Variants in DIP2C observed in about 807,000 individuals in gnomAD.
The protein encoded by DIP2C is disco-interacting protein 2 homolog C.
Under a neutral mutation model 192.4 loss-of-function variants are expected in DIP2C, and 33 were observed. The observed-to-expected ratio is 0.17, with a 90% CI of 0.13 to 0.23. The LOEUF (loss-of-function observed/expected upper bound fraction) is 0.23. Ranked by LOEUF, DIP2C falls within the 10% of genes least tolerant of loss-of-function variation. The probability of loss-of-function intolerance (pLI) is 1.00; values close to 1 mark genes in which losing one functional copy is unlikely to be tolerated. For missense variants in DIP2C, 1,537 were observed against 2,110.1 expected, an observed-to-expected ratio of 0.73 and a Z score of 5.32; for synonymous variants, 979 against 864.1, an observed-to-expected ratio of 1.13 and a Z score of -2.33.
At chr10:345,627 C>A (rs527998834) in intron 26 of DIP2C, among the ~76,000 whole-genome samples, 1 of 129,908 alleles carries the variant, frequency 7.7e-6, no homozygotes, top group South Asian at 2.9e-4. Flanking sequence ...AACCCAGACA[C>A]ATCGCGCATA....
chr10:312,996 G>A (rs886504664), intron 31 of DIP2C, among the ~76,000 whole-genome samples: 6 of 152,154 alleles, frequency 3.9e-5, no homozygotes, highest in Non-Finnish European at 7.3e-5. Flanking sequence ...CTTGTACCAC[G>A]TGGAGGAGGC....
At chr10:613,279 G>A (rs535210894) in intron 1 of DIP2C, among the ~76,000 whole-genome samples, 4 of 152,358 alleles carry the variant, frequency 2.6e-5, no homozygotes, top group African/African-American at 9.6e-5. Context: ...GTCCCTTACA[G>A]GTCCTCGGCC....
chr10:653,968 G>C (rs1268305981), intron 1 of DIP2C, among the ~76,000 whole-genome samples: 1 of 152,116 alleles, frequency 6.6e-6, no homozygotes, highest in Non-Finnish European at 1.5e-5. Flanking sequence ...CTTCCAACTG[G>C]GACACAGACT....
chr10:356,621 A>C (rs1959095985), intron 23 of DIP2C, 115 bp from the exon 24 acceptor site: 5 of 770,616 alleles, frequency 6.5e-6, no homozygotes, highest in South Asian at 5.3e-5. Flanking sequence ...TTGGGTCTTA[A>C]AACCGCATGC....
At chr10:405,741 C>G (rs1964756160) in intron 9 of DIP2C, among the ~76,000 whole-genome samples, 1 of 152,202 alleles carries the variant, frequency 6.6e-6, no homozygotes, top group South Asian at 2.1e-4. Flanking sequence ...ACACAGCAGG[C>G]ATCAGCCGAT....
intron 1 of DIP2C, among the ~76,000 whole-genome samples, chr10:579,582 T>G (rs1425101766): frequency 6.6e-6 from 1 of 151,964 alleles, no homozygotes; most frequent in Non-Finnish European, 1.5e-5. Flanking sequence ...CATGCGTACA[T>G]GCATAGAGCA....
At chr10:350,671 G>A (rs980180409) in intron 24 of DIP2C, among the ~76,000 whole-genome samples, 28 of 126,968 alleles carry the variant, frequency 2.2e-4, no homozygotes, top group African/African-American at 7.1e-4. Flanking sequence ...ATGGGGTCTC[G>A]CTCTGTCGCC....
At chr10:432,140 G>A (rs531174381) in intron 4 of DIP2C, among the ~76,000 whole-genome samples, 4 of 152,038 alleles carry the variant, frequency 2.6e-5, no homozygotes, top group African/African-American at 9.6e-5. Flanking sequence ...GAAGGTTATT[G>A]CATCTGTGTT....
chr10:369,787 G>T (rs765447105), intron 17 of DIP2C, 154 bp from the exon 18 acceptor site: 5 of 1,391,856 alleles, frequency 3.6e-6, no homozygotes, highest in Non-Finnish European at 4.9e-6. Context: ...CTGCATTAGG[G>T]GATGCTCGTT....
At chr10:487,420 G>A (rs1339820227) in intron 1 of DIP2C, among the ~76,000 whole-genome samples, 1 of 152,034 alleles carries the variant, frequency 6.6e-6, no homozygotes, top group African/African-American at 2.4e-5. Context: ...GGGCAGTCTC[G>A]GATGCTGCCT....
intron 4 of DIP2C, among the ~76,000 whole-genome samples, chr10:436,100 C>A (rs149204033): frequency 6.6e-6 from 1 of 152,136 alleles, no homozygotes; most frequent in Non-Finnish European, 1.5e-5. Context: ...TTTCACACAG[C>A]GAATTCAGTT....
At chr10:466,470 T>C (rs1489843952) in intron 3 of DIP2C, among the ~76,000 whole-genome samples, 2 of 140,250 alleles carry the variant, frequency 1.4e-5, no homozygotes, top group Admixed American at 7.5e-5. Context: ...ATTCAGGACA[T>C]AGGCGTGGGC....
intron 32 of DIP2C, among the ~76,000 whole-genome samples, chr10:294,087 T>C (rs1955626763): frequency 6.6e-6 from 1 of 152,194 alleles, no homozygotes; most frequent in South Asian, 2.1e-4. Flanking sequence ...TCCAAACTCT[T>C]CTGTCCATCC....
At chr10:658,157 A>G (rs2132060329) in intron 1 of DIP2C, among the ~76,000 whole-genome samples, 1 of 150,262 alleles carries the variant, frequency 6.7e-6, no homozygotes, top group East Asian at 2.0e-4. Context: ...CTGACGCTGG[A>G]CCTGCCGCTG....
chr10:414,681 C>A (rs1190176580), intron 7 of DIP2C, among the ~76,000 whole-genome samples: 1 of 145,778 alleles, frequency 6.9e-6, no homozygotes, highest in Admixed American at 6.9e-5. Flanking sequence ...CACCACCACG[C>A]CCAGCTAATT....
At chr10:451,911 T>TCTG (rs1283434975) in intron 3 of DIP2C, among the ~76,000 whole-genome samples, 2 of 149,350 alleles carry the variant, frequency 1.3e-5, no homozygotes, top group Non-Finnish European at 2.9e-5. Flanking sequence ...CATACACAAG[T>TCTG]CTGCTACATT....
At chr10:544,109 T>G (rs1848152457) in intron 1 of DIP2C, among the ~76,000 whole-genome samples, 1 of 152,274 alleles carries the variant, frequency 6.6e-6, no homozygotes, top group Non-Finnish European at 1.5e-5. Context: ...ACTGCCATCT[T>G]TCACATTCAA....
chr10:365,419 T>G (rs568064019), intron 19 of DIP2C, among the ~76,000 whole-genome samples: 92 of 152,232 alleles, frequency 6.0e-4, no homozygotes, highest in Non-Finnish European at 1.2e-3. Context: ...ACGCCTGTAC[T>G]CCCAGTGACT....
intron 1 of DIP2C, among the ~76,000 whole-genome samples, chr10:589,941 A>C (rs1851304859): frequency 6.6e-6 from 1 of 152,260 alleles, no homozygotes; most frequent in African/African-American, 2.4e-5. Flanking sequence ...ACTGCTGAGA[A>C]GCGTGTGATA....
Sources: allele counts gnomAD v4.1 joint callset (sites outside exome capture counted in the v4.1 genomes callset), GRCh38; gene constraint gnomAD v4.1.1; transcripts MANE v1.5; gene names NCBI Gene and HGNC (gene_info 2026-07-23, HGNC 2026-07-21).